The following PPP1R12C variants were observed in gnomAD, a reference collection of about 807,000 sequenced individuals.
The protein encoded by PPP1R12C is leukocyte receptor cluster (LRC) encoded novel gene 3.
PPP1R12C carries 48 observed loss-of-function variants against 95.6 expected under a neutral mutation model. That is an observed-to-expected ratio of 0.50 (90% CI 0.40 to 0.64). The LOEUF (loss-of-function observed/expected upper bound fraction) is 0.64, where lower values mean the gene tolerates loss of function less well. PPP1R12C is among the 30% of genes least tolerant of loss of function. The pLI, the probability that PPP1R12C is intolerant of heterozygous loss-of-function variation, is 0.00. For synonymous variants in PPP1R12C, 480 were observed against 460.8 expected (o/e 1.04, Z -0.53); for missense variants, 1,057 against 1,083.3 (o/e 0.98, Z 0.34).
Position 55,093,196 on chromosome 19 carries a change from G to A in PPP1R12C, c.1721C>T (p.Ala574Val). ...CTCTGACTCTGGGGCCTTCCCTGCA[G>A]CCTTCTCTGCCTCCTTCAGGTCTGT... ...TLTDLKEAEKAAGKAPESEKP... is the reference protein window; with the variant it reads ...TLTDLKEAEKVAGKAPESEKP... The change falls in exon 14 of 22, where the codon GCT becomes GTT. Residue 574 changes from alanine to valine, a missense_variant. Ala to Val is a moderately conservative substitution (Grantham distance 64). Coordinates refer to ENST00000263433, the MANE Select transcript of PPP1R12C (RefSeq NM_017607.4). 1 of 1,613,650 alleles carries A rather than the reference G, an allele frequency of 6.2e-7. No homozygotes were observed. Among genetic ancestry groups the A allele is most frequent in the South Asian group, 1.1e-5 (1 of 91,076 alleles).
chr19:55,098,977 C>T lies in PPP1R12C; in HGVS notation c.850G>A (p.Gly284Arg), dbSNP rs773034958. ...GCATGGGTCAGTGAGTCCATGCCCCCGCCATGCTCGGCCAGCAGGCGGCAG... is the reference window on the plus strand; with the variant it reads ...GCATGGGTCAGTGAGTCCATGCCCCTGCCATGCTCGGCCAGCAGGCGGCAG... The part of the protein sequence containing the change: ...DACRLLAEHG[G>R]GMDSLTHAGQ... Residue 284 changes from glycine to arginine, a missense_variant, in exon 5 of 22, where the codon GGG becomes AGG. Coordinates refer to ENST00000263433, the MANE Select transcript of PPP1R12C (RefSeq NM_017607.4). 4.5e-6 allele frequency: 7 copies of T among 1,567,538 alleles called. No individual in the cohort carries two copies. Among genetic ancestry groups the T allele is most frequent in the Admixed American group, 1.9e-5 (1 of 52,774 alleles).
At chr19:55,092,083 G>A (rs2084849052) in intron 19 of PPP1R12C, 139 bp downstream of exon 19, 2 of 1,087,638 alleles carry the variant, frequency 1.8e-6, no homozygotes, top group Non-Finnish European at 2.6e-6. Flanking sequence ...CTCAGACTCC[G>A]CCTCCGAGAT....
At chr19:55,096,205 G>GT (rs1568808153) in intron 7 of PPP1R12C, 27 bp from the exon 8 acceptor site, 2 of 1,612,456 alleles carry the variant, frequency 1.2e-6, no homozygotes, top group Non-Finnish European at 1.7e-6. Context: ...GGGTGCTGGG[G>GT]TACAAGCCCG....
intron 11 of PPP1R12C, chr19:55,095,044 C>T (rs926871725): frequency 1.8e-5 from 12 of 668,550 alleles, no homozygotes; most frequent in Admixed American, 1.0e-4. Flanking sequence ...CGTGTGCGGA[C>T]GGCGCCGTGG....
chr19:55,098,936 G>A lies in PPP1R12C; in HGVS notation c.876+15C>T, dbSNP rs778153115. 6 of 1,594,232 alleles carry A rather than the reference G, an allele frequency of 3.8e-6. No homozygotes were observed. Among genetic ancestry groups the A allele is most frequent in the East Asian group, 4.6e-5 (2 of 43,864 alleles). ...CCACGCCCTGCCCCTCACCAGCCTG[G>A]GCACTGGCCCTCACCGCATGGGTCA... On this transcript the variant is annotated intron_variant, in intron 5 of 21. Transcript: ENST00000263433.
rs772975485 is a variant in PPP1R12C, at chr19:55,092,276, G to C, written c.2106C>G (p.Thr702=). 70 of 1,601,066 alleles carry C rather than the reference G, an allele frequency of 4.4e-5. No homozygotes were observed. The highest frequency in any genetic ancestry group is 5.4e-5 in the Non-Finnish European group (63 of 1,174,386). The stretch of plus-strand genomic sequence containing the variant: ...GCTGCGCCAGCCGCAGCGTGGTCTC[G>C]GTCAGGGCCTCGCGAAGCCGCTCGT... The part of the protein sequence containing the change: ...RENERLREAL[T]ETTLRLAQLK... The change falls in exon 19 of 22, where the codon ACC becomes ACG. Residue 702 remains threonine (T), a synonymous_variant. Transcript: ENST00000263433.
rs771184538 is a variant in PPP1R12C, at chr19:55,094,673, C to T, written c.1580G>A (p.Arg527Gln). The change falls in exon 12 of 22, where the codon CGG (arginine) becomes CAG (glutamine). Residue 527 changes from arginine (R) to glutamine (Q), a missense_variant. Arg to Gln is a conservative substitution (Grantham distance 43, BLOSUM62 1). This residue lies in a region of PPP1R12C where 356 missense variants were observed against 330.5 expected (regional missense o/e 1.08). Coordinates refer to ENST00000263433, the MANE Select transcript of PPP1R12C (RefSeq NM_017607.4). ...TASTAPPADS[R>Q]DRRRSYQMPV... is the part of the protein sequence containing the mutation. ...CTGGCCTCTTCACCTCCGTCGGTCC[C>T]GGGAGTCCGCTGGGGGCGCCGTGGA... 5.1e-5 allele frequency: 82 copies of T among 1,597,918 alleles called. No homozygotes were observed. In the Middle Eastern group the frequency reaches 1.6e-3, roughly 32 times the overall value.
In PPP1R12C at chr19:55,093,027, G is replaced by C; in HGVS notation, c.1814C>G (p.Pro605Arg). Residue 605 changes from proline to arginine, a missense_variant, in exon 15 of 22, where the codon CCT becomes CGT. This residue lies in a region of PPP1R12C where 347 missense variants were observed against 307.9 expected (regional missense o/e 1.13). Coordinates refer to ENST00000263433, the MANE Select transcript of PPP1R12C (RefSeq NM_017607.4). The part of the protein sequence containing the change: ...RVPGVENSDS[P>R]AQRAEAPDGQ... The stretch of plus-strand genomic sequence containing the variant: ...AGAGCAGACCTCACCTCTCTGGGCA[G>C]GGCTGTCAGAGTTCTCCACTCCAGG... 6.3e-7 allele frequency: 1 copy of C among 1,584,040 alleles called. No homozygotes were observed. Among genetic ancestry groups the C allele is most frequent in the Non-Finnish European group, 8.6e-7 (1 of 1,163,880 alleles).
chr19:55,097,826 C>T (rs1333364995), intron 6 of PPP1R12C, among the ~76,000 whole-genome samples: 1 of 152,158 alleles, frequency 6.6e-6, no homozygotes, highest in African/African-American at 2.4e-5. Context: ...TATCTGGGCC[C>T]CCTGAGCTGA....
chr19:55,098,715 T>C, intron 6 of PPP1R12C, 69 bp downstream of exon 6: 2 of 1,585,060 alleles, frequency 1.3e-6, no homozygotes, highest in South Asian at 2.2e-5. Context: ...GTTCCCCCTC[T>C]GCACCCTCCT....
intron 19 of PPP1R12C, 52 bp downstream of exon 19, chr19:55,092,170 C>T: frequency 6.8e-7 from 1 of 1,480,126 alleles, no homozygotes; most frequent in Non-Finnish European, 9.1e-7. Context: ...CAGTCTAAGC[C>T]CCACCCAGGC....
In PPP1R12C at chr19:55,092,480, C is replaced by T; in HGVS notation, c.2017G>A (p.Glu673Lys). 6.2e-7 allele frequency: 1 copy of T among 1,610,276 alleles called. No individual in the cohort carries two copies. Among genetic ancestry groups the T allele is most frequent in the South Asian group, 1.1e-5 (1 of 90,646 alleles). Residue 673 changes from glutamate to lysine, a missense_variant, in exon 18 of 22, where the codon GAG (glutamate) becomes AAG (lysine). Glu to Lys is a moderately conservative substitution (Grantham distance 56). Around this residue, in one of 5 missense-constraint regions of PPP1R12C, gnomAD observed 347 missense variants for 307.9 expected, o/e 1.13. Coordinates refer to ENST00000263433, the MANE Select transcript of PPP1R12C (RefSeq NM_017607.4). The part of the protein sequence containing the change: ...RWQRDLNPEP[E>K]PESEEPDGGF... ...CCGTCTGGCTCTTCCGATTCTGGCT[C>T]AGGTTCTGGGTTGAGGTCCCGCTGC...
At chr19:55,114,824 C>A (rs1361983948) in intron 1 of PPP1R12C, 1 of 152,066 alleles carries the variant, frequency 6.6e-6, no homozygotes, top group Non-Finnish European at 1.5e-5. Flanking sequence ...GCTGGGGTGG[C>A]CTCTCGTGGG....
At chr19:55,113,324 G>C (rs990045989) in intron 1 of PPP1R12C, 1 of 1,168,632 alleles carries the variant, frequency 8.6e-7, no homozygotes, top group Non-Finnish European at 1.1e-6. Flanking sequence ...GTGGAGGAAG[G>C]CCACCCTGTG....
rs565009180 is a variant in PPP1R12C at position 55,103,057 on chromosome 19, G to A, written c.731+352C>T. On this transcript the variant is annotated intron_variant, in intron 4 of 21. Coordinates refer to ENST00000263433, the MANE Select transcript of PPP1R12C (RefSeq NM_017607.4). ...TCTCTACAAAAATTAGCGGGGCATG[G>A]TGGTGTGCGCCTGTAGTCCCCACTA... Among the ~76,000 whole-genome samples the A allele has an allele frequency of 6.6e-5, 10 of 152,278 alleles. No homozygotes were observed. The East Asian group carries it at 1.9e-3, about 29-fold the overall frequency.
At chr19:55,093,320 CT>C in intron 13 of PPP1R12C, 87 bp from the exon 14 acceptor site, 10 of 440,300 alleles carry the variant, frequency 2.3e-5, no homozygotes, top group East Asian at 1.6e-4. Context: ...GCCCCAGCCC[CT>C]CCTCCCTCAG....
In PPP1R12C at chr19:55,112,752, T is replaced by G; in HGVS notation, c.365A>C (p.Glu122Ala). The stretch of plus-strand genomic sequence containing the variant: ...TGCCTGGTTCACAGTGGCGCCCTGC[T>G]CCACCAAGAAGCGCACCACCTCCAG... Reference protein sequence around the residue: ...ENLEVVRFLVEQGATVNQADN... With the variant: ...ENLEVVRFLVAQGATVNQADN... Residue 122 changes from glutamate (E) to alanine (A), a missense_variant, in exon 2 of 22, where the codon GAG becomes GCG. This residue lies in a region of PPP1R12C where 282 missense variants were observed against 380.4 expected (regional missense o/e 0.74). Transcript: ENST00000263433. The G allele has an allele frequency of 6.2e-7, 1 of 1,613,294 alleles. No individual in the cohort carries two copies.
At chr19:55,112,430 G>A (rs773911165) in intron 3 of PPP1R12C, 37 bp downstream of exon 3, 2 of 1,562,584 alleles carry the variant, frequency 1.3e-6, no homozygotes, top group South Asian at 1.1e-5. Flanking sequence ...GGGTGAGGAG[G>A]TGTCCCCCAC....
At chr19:55,105,991 T>G (rs535993099) in intron 3 of PPP1R12C, among the ~76,000 whole-genome samples, 1 of 152,060 alleles carries the variant, frequency 6.6e-6, no homozygotes, top group African/African-American at 2.4e-5. Flanking sequence ...GCCAGCCCCT[T>G]GCACCCAGCA....
Sources: allele counts gnomAD v4.1 joint callset (sites outside exome capture counted in the v4.1 genomes callset), GRCh38; gene constraint gnomAD v4.1.1; regional missense constraint gnomAD v4.1.1; transcripts MANE v1.5; gene names NCBI Gene and HGNC (gene_info 2026-07-23, HGNC 2026-07-21).